CCSER1: variants seen among roughly 807,000 people sequenced by gnomAD.
CCSER1 encodes the protein coiled-coil serine rich protein 1.
A neutral mutation model predicts 82.0 loss-of-function variants in CCSER1; 41 were observed. That is an observed-to-expected ratio of 0.50 (90% confidence interval 0.39 to 0.65). The LOEUF (loss-of-function observed/expected upper bound fraction) is 0.65, where lower values mean the gene tolerates loss of function less well. Among genes scored for constraint, CCSER1 ranks in the 30% least tolerant of loss-of-function variants. CCSER1 has a pLI of 0.00. For synonymous variants in CCSER1, 414 were observed against 383.9 expected, an observed-to-expected ratio of 1.08 and a Z score of -0.92; for missense variants, 1,119 against 1,064.2, an observed-to-expected ratio of 1.05 and a Z score of -0.72.
chr4:91,460,221 G>A (rs79005859), intron 10 of CCSER1, among the ~76,000 whole-genome samples: 3,534 of 152,046 alleles, frequency 0.023, 75 homozygotes, highest in Non-Finnish European at 0.033. Context: ...TATTTCCTTC[G>A]TCTAAGAATA....
chr4:90,974,489 A>G (rs1192020609), intron 9 of CCSER1, among the ~76,000 whole-genome samples: 1 of 151,302 alleles, frequency 6.6e-6, no homozygotes, highest in Non-Finnish European at 1.5e-5. Context: ...AAGTGAAAAT[A>G]CAGCCTCCAG....
At chr4:90,167,533 T>C (rs1730708587) in intron 1 of CCSER1, among the ~76,000 whole-genome samples, 1 of 152,186 alleles carries the variant, frequency 6.6e-6, no homozygotes, top group Non-Finnish European at 1.5e-5. Context: ...TGCAGGTTTG[T>C]TACATATGTA....
intron 1 of CCSER1, among the ~76,000 whole-genome samples, chr4:90,132,719 GA>G (rs1723013636): frequency 6.6e-6 from 1 of 152,162 alleles, no homozygotes; most frequent in South Asian, 2.1e-4. Context: ...ATTAACTAAT[GA>G]AGTTATTTGC....
chr4:90,378,712 T>G (rs1363130795), intron 3 of CCSER1, among the ~76,000 whole-genome samples: 1 of 152,200 alleles, frequency 6.6e-6, no homozygotes, highest in Admixed American at 6.5e-5. Flanking sequence ...AATCGTTTAG[T>G]GTTATAAATT....
At chr4:90,607,478 A>C (rs549468192) in intron 5 of CCSER1, among the ~76,000 whole-genome samples, 10 of 152,110 alleles carry the variant, frequency 6.6e-5, no homozygotes, top group Non-Finnish European at 1.2e-4. Flanking sequence ...GTTCCTTCTG[A>C]GGGCTGCCTC....
At chr4:91,538,852 C>T (rs948313044) in intron 10 of CCSER1, among the ~76,000 whole-genome samples, 27 of 151,462 alleles carry the variant, frequency 1.8e-4, no homozygotes, top group Admixed American at 1.6e-3. Flanking sequence ...TGATGCAAAC[C>T]CTCTAGGAAT....
intron 1 of CCSER1, among the ~76,000 whole-genome samples, chr4:90,162,300 T>G (rs1284519825): frequency 6.6e-6 from 1 of 152,152 alleles, no homozygotes; most frequent in Non-Finnish European, 1.5e-5. Context: ...GTGTTTTACA[T>G]GCTCTGATCA....
chr4:90,577,430 TG>T (rs1780891072), intron 5 of CCSER1, among the ~76,000 whole-genome samples: 1 of 152,122 alleles, frequency 6.6e-6, no homozygotes, highest in South Asian at 2.1e-4. Flanking sequence ...TTTTTTGTTT[TG>T]CTTTTTGCCA....
chr4:90,809,857 A>G (rs1758018859), intron 7 of CCSER1, among the ~76,000 whole-genome samples: 1 of 151,916 alleles, frequency 6.6e-6, no homozygotes, highest in African/African-American at 2.4e-5. Context: ...GAGCCATTGC[A>G]CTCCAGACTA....
intron 10 of CCSER1, among the ~76,000 whole-genome samples, chr4:91,101,167 A>C (rs1725021281): frequency 6.6e-6 from 1 of 152,188 alleles, no homozygotes; most frequent in South Asian, 2.1e-4. Flanking sequence ...CATGCATAGA[A>C]AGCCACACAA....
intron 9 of CCSER1, among the ~76,000 whole-genome samples, chr4:91,049,490 A>C (rs562047507): frequency 6.6e-6 from 1 of 152,310 alleles, no homozygotes; most frequent in South Asian, 2.1e-4. Context: ...ACAAATATGA[A>C]AAGGAAGATT....
At chr4:91,057,415 C>T (rs1426966442) in intron 9 of CCSER1, among the ~76,000 whole-genome samples, 1 of 152,108 alleles carries the variant, frequency 6.6e-6, no homozygotes, top group East Asian at 1.9e-4. Context: ...GTTCCAGAAT[C>T]CTCCCTTCCC....
chr4:90,273,744 A>G (rs1330329240), intron 1 of CCSER1, among the ~76,000 whole-genome samples: 2 of 152,138 alleles, frequency 1.3e-5, no homozygotes, highest in East Asian at 3.9e-4. Context: ...TCACAAGCCA[A>G]ACTAGTAGGG....
intron 9 of CCSER1, among the ~76,000 whole-genome samples, chr4:90,945,238 A>T (rs1384556605): frequency 6.6e-6 from 1 of 152,106 alleles, no homozygotes; most frequent in Non-Finnish European, 1.5e-5. Flanking sequence ...AAGAGCCAAT[A>T]ATTTAAATTT....
At chr4:91,218,794 C>G (rs567246712) in intron 10 of CCSER1, among the ~76,000 whole-genome samples, 1 of 152,122 alleles carries the variant, frequency 6.6e-6, no homozygotes, top group Admixed American at 6.6e-5. Flanking sequence ...AAGTGACCAA[C>G]ACTGGCCTAT....
chr4:90,888,830 C>G (rs1159115497), intron 8 of CCSER1, among the ~76,000 whole-genome samples: 1 of 152,122 alleles, frequency 6.6e-6, no homozygotes, highest in Non-Finnish European at 1.5e-5. Context: ...ATTAGTAAAG[C>G]TTTTTAACTC....
chr4:91,141,213 G>A (rs923906689), intron 10 of CCSER1, among the ~76,000 whole-genome samples: 2 of 151,490 alleles, frequency 1.3e-5, no homozygotes, highest in Non-Finnish European at 2.9e-5. Flanking sequence ...GAGTGAAGTG[G>A]CACAATCTCG....
At chr4:91,103,205 A>T (rs1725257488) in intron 10 of CCSER1, among the ~76,000 whole-genome samples, 1 of 152,132 alleles carries the variant, frequency 6.6e-6, no homozygotes, top group African/African-American at 2.4e-5. Flanking sequence ...ATTTGACATT[A>T]GGTCCATTCT....
At chr4:91,160,595 G>T (rs991977086) in intron 10 of CCSER1, among the ~76,000 whole-genome samples, 3 of 152,274 alleles carry the variant, frequency 2.0e-5, no homozygotes, top group African/African-American at 7.2e-5. Flanking sequence ...ATTCTAACTG[G>T]TGTGAGATGG....
Sources: gnomAD v4.1 joint callset for allele counts (sites outside exome capture counted in the v4.1 genomes callset) on GRCh38, gnomAD v4.1.1 for gene constraint, MANE v1.5 for transcripts, NCBI Gene and HGNC (gene_info 2026-07-23, HGNC 2026-07-21) for gene names.